Variants in SPAG16 observed in about 807,000 individuals in gnomAD.
The protein encoded by SPAG16 is sperm associated antigen 16.
SPAG16 carries 86 observed loss-of-function variants against 80.4 expected under a neutral mutation model. The ratio of observed to expected loss-of-function variants is 1.07; its 90% CI spans 0.90 to 1.28. SPAG16 has a LOEUF of 1.28. Ranked by LOEUF, SPAG16 falls within the 50% of genes most tolerant of loss-of-function variation. The pLI, the probability that SPAG16 is intolerant of heterozygous loss-of-function variation, is 0.00. For missense variants in SPAG16, 870 were observed against 765.3 expected (o/e 1.14, Z -1.61); for synonymous variants, 294 against 265.9 (o/e 1.11, Z -1.03).
At chr2:213,679,424 G>C (rs1050890267) in intron 10 of SPAG16, among the ~76,000 whole-genome samples, 1 of 152,112 alleles carries the variant, frequency 6.6e-6, no homozygotes, top group Non-Finnish European at 1.5e-5. Flanking sequence ...CCAAATAAAT[G>C]TGCAATTTGA....
At chr2:213,617,106 G>C (rs891596486) in intron 10 of SPAG16, among the ~76,000 whole-genome samples, 1 of 152,146 alleles carries the variant, frequency 6.6e-6, no homozygotes, top group South Asian at 2.1e-4. Context: ...AAAAAGGAAA[G>C]GGAAAGAAGG....
intron 10 of SPAG16, among the ~76,000 whole-genome samples, chr2:213,563,260 T>A (rs2059653487): frequency 6.6e-6 from 1 of 152,250 alleles, no homozygotes; most frequent in Non-Finnish European, 1.5e-5. Flanking sequence ...AGATTTTTTT[T>A]TCACATATGC....
chr2:214,320,511 A>G (rs969281767), intron 15 of SPAG16, among the ~76,000 whole-genome samples: 6 of 152,216 alleles, frequency 3.9e-5, no homozygotes, highest in African/African-American at 1.4e-4. Context: ...AGAACTGCAC[A>G]AGACTGTAAT....
At chr2:213,457,729 C>T (rs2072111926) in intron 9 of SPAG16, among the ~76,000 whole-genome samples, 1 of 152,314 alleles carries the variant, frequency 6.6e-6, no homozygotes, top group Middle Eastern at 3.4e-3. Flanking sequence ...ATTTTGAACA[C>T]AGCATATGCT....
At chr2:213,396,983 C>CT (rs1242838562) in intron 9 of SPAG16, among the ~76,000 whole-genome samples, 1 of 152,078 alleles carries the variant, frequency 6.6e-6, no homozygotes, top group Non-Finnish European at 1.5e-5. Flanking sequence ...CAAAAAAGTC[C>CT]TTTATATTTT....
intron 9 of SPAG16, among the ~76,000 whole-genome samples, chr2:213,485,540 C>A (rs1380058380): frequency 6.6e-6 from 1 of 151,536 alleles, no homozygotes; most frequent in Non-Finnish European, 1.5e-5. Flanking sequence ...TCTACTCTAG[C>A]TTTTTCCAGT....
chr2:214,290,675 T>C (rs759470930), intron 15 of SPAG16, among the ~76,000 whole-genome samples: 13 of 152,190 alleles, frequency 8.5e-5, no homozygotes, highest in African/African-American at 1.2e-4. Context: ...AATCTTCATG[T>C]ATCTGTATAG....
intron 15 of SPAG16, among the ~76,000 whole-genome samples, chr2:214,344,256 CT>C (rs991332276): frequency 1.3e-5 from 2 of 152,078 alleles, no homozygotes; most frequent in Non-Finnish European, 2.9e-5. Flanking sequence ...AATTGTTTAA[CT>C]TTTTAAAATC....
At chr2:213,762,956 T>G (rs2068740402) in intron 10 of SPAG16, among the ~76,000 whole-genome samples, 1 of 152,108 alleles carries the variant, frequency 6.6e-6, no homozygotes, top group African/African-American at 2.4e-5. Context: ...CCAAATAACC[T>G]TATTTAAAAA....
At chr2:214,384,829 A>G (rs532074826) in intron 15 of SPAG16, among the ~76,000 whole-genome samples, 2 of 152,362 alleles carry the variant, frequency 1.3e-5, no homozygotes, top group East Asian at 3.9e-4. Context: ...AGGAGAGAGT[A>G]ACTAAAGCAC....
chr2:214,174,334 T>C (rs1356960595), intron 15 of SPAG16, among the ~76,000 whole-genome samples: 4 of 151,930 alleles, frequency 2.6e-5, no homozygotes, highest in African/African-American at 7.2e-5. Context: ...GAAAACCCCA[T>C]TGTCTCAGCC....
At chr2:213,448,929 A>G (rs1054663241) in intron 9 of SPAG16, among the ~76,000 whole-genome samples, 23 of 152,330 alleles carry the variant, frequency 1.5e-4, no homozygotes, top group African/African-American at 5.5e-4. Context: ...GAAGACAACC[A>G]TAAGGTCTGA....
rs1559783324 is a variant in SPAG16 at position 214,093,312 on chromosome 2, A to G, written c.1528-14884A>G. 2.6e-5 allele frequency among the ~76,000 whole-genome samples: 4 copies of G among 152,034 alleles called. No homozygotes were observed. In the South Asian group the frequency reaches 8.3e-4, roughly 31 times the overall value. On this transcript the variant is annotated intron_variant, in intron 13 of 15. Transcript: ENST00000331683. ...GTTGGGTTATTTGTATTTTCTTAGG[A>G]AGTAATCTATTTGCTCTGGATTTTC...
chr2:214,227,700 GTA>G (rs1018307426), intron 15 of SPAG16, among the ~76,000 whole-genome samples: 4 of 92,240 alleles, frequency 4.3e-5, no homozygotes, highest in Non-Finnish European at 6.1e-5. Flanking sequence ...TGTGGAAGGT[GTA>G]TGTGTGTGTG....
intron 10 of SPAG16, among the ~76,000 whole-genome samples, chr2:213,563,290 T>G (rs1254823028): frequency 6.6e-6 from 1 of 152,238 alleles, no homozygotes; most frequent in African/African-American, 2.4e-5. Context: ...TCTGGAATCT[T>G]TCTGAGAAAG....
intron 10 of SPAG16, among the ~76,000 whole-genome samples, chr2:213,781,979 C>T (rs148023562): frequency 6.6e-6 from 1 of 152,120 alleles, no homozygotes; most frequent in African/African-American, 2.4e-5. Flanking sequence ...CAATAACTAC[C>T]TCCTCTGTGT....
At chr2:214,149,393 T>A in intron 15 of SPAG16, 127 bp downstream of exon 15, 1 of 778,692 alleles carries the variant, frequency 1.3e-6, no homozygotes, top group South Asian at 2.7e-5. Context: ...TTACATTATA[T>A]TACATTACAT....
chr2:214,352,558 C>CTCTGTGTGTGTGTGTGTGTGTGTGTG (rs796885924), intron 15 of SPAG16, among the ~76,000 whole-genome samples: 5 of 142,466 alleles, frequency 3.5e-5, no homozygotes, highest in African/African-American at 1.4e-4. Context: ...CTTTTTTTCT[C>CTCTGTGTGTGTGTGTGTGTGTGTGTG]TGTGTGTGTG....
intron 10 of SPAG16, among the ~76,000 whole-genome samples, chr2:213,769,268 A>G (rs1313213402): frequency 6.6e-6 from 1 of 152,136 alleles, no homozygotes; most frequent in Non-Finnish European, 1.5e-5. Context: ...TCCTCCTTTT[A>G]TATATCAGTG....
Sources: allele counts gnomAD v4.1 joint callset (sites outside exome capture counted in the v4.1 genomes callset), GRCh38; gene constraint gnomAD v4.1.1; transcripts MANE v1.5; gene names NCBI Gene and HGNC (gene_info 2026-07-23, HGNC 2026-07-21).